The following NLRP8 variants were observed in gnomAD, a reference collection of about 807,000 sequenced individuals.
The protein encoded by NLRP8 is NACHT, LRR and PYD domains-containing protein 8.
A neutral mutation model predicts 88.7 loss-of-function variants in NLRP8; 86 were observed. That is an observed-to-expected ratio of 0.97 (90% CI 0.81 to 1.16). The LOEUF is 1.16. Ranked by LOEUF, NLRP8 falls within the 50% of genes most tolerant of loss-of-function variation. The pLI is 0.00. For missense variants in NLRP8, 1,342 were observed against 1,286.5 expected, an observed-to-expected ratio of 1.04 and a Z score of -0.66; for synonymous variants, 504 against 494.6, an observed-to-expected ratio of 1.02 and a Z score of -0.25.
Position 55,948,186 on chromosome 19 carries a change from G to A in NLRP8, c.284G>A (p.Arg95Gln), listed in dbSNP as rs199475833. 116 of 1,614,040 alleles carry A rather than the reference G, an allele frequency of 7.2e-5. No homozygotes were observed. Among genetic ancestry groups the A allele is most frequent in the Middle Eastern group, 1.6e-4 (1 of 6,084 alleles). The change falls in exon 1 of 10, where the codon CGA becomes CAA. Residue 95 changes from arginine (R) to glutamine (Q), a missense_variant. Transcript: ENST00000291971. ...CTCTTGATAGAGCGTTTCCCTGGAC[G>A]ACGCGCTTGGGATGTGACTTCGAAC...
rs770580096 is a variant in NLRP8 at position 55,955,737 on chromosome 19, T to G, written c.1679T>G (p.Phe560Cys). ...CTCTCTCACATGGGACTTTTCTTAT[T>G]CGGTTTTCTGAACGAGGCCTGCGCT... Residue 560 changes from phenylalanine (F) to cysteine (C), a missense_variant, in exon 3 of 10, where the codon TTC becomes TGC. Coordinates refer to ENST00000291971, the MANE Select transcript of NLRP8 (RefSeq NM_176811.2). The G allele has an allele frequency of 3.7e-6, 6 of 1,613,994 alleles. No individual in the cohort carries two copies. The highest frequency in any genetic ancestry group is 5.1e-6 in the Non-Finnish European group (6 of 1,179,976).
rs60245156 is a variant in NLRP8 at position 55,972,114 on chromosome 19, A to ATTT, written c.2534+1434_2534+1436dup. Among the ~76,000 whole-genome samples the ATTT allele has an allele frequency of 8.1e-4, 104 of 128,318 alleles. 1 individual carries two copies. The highest frequency in any genetic ancestry group is 1.1e-3 in the Non-Finnish European group (64 of 60,746). 84.2% of individuals were successfully genotyped at this position (128,318 alleles called of 152,430 possible). A position where few individuals can be genotyped will look rare whatever the true frequency, so the allele number is the denominator to read the frequency against. On this transcript the variant is annotated intron_variant, in intron 6 of 9. Transcript: ENST00000291971. ...CCATATATTTATTTTCTATGTTTTA[A>ATTT]TTTTTTTTTTTTTTTTTTGAGACAG...
chr19:55,984,332 G>A (rs1393234154), intron 9 of NLRP8, among the ~76,000 whole-genome samples: 1 of 152,122 alleles, frequency 6.6e-6, no homozygotes, highest in African/African-American at 2.4e-5. Flanking sequence ...CTTTTATACT[G>A]GTGTCAATAA....
intron 9 of NLRP8, 68 bp downstream of exon 9, chr19:55,979,632 T>C (rs1980492425): frequency 1.3e-6 from 2 of 1,565,010 alleles, no homozygotes; most frequent in Admixed American, 1.7e-5. Flanking sequence ...AAACGTGAGA[T>C]GCTGGGCTGG....
At chr19:55,983,777 C>A in intron 9 of NLRP8, among the ~76,000 whole-genome samples, 1 of 112,932 alleles carries the variant, frequency 8.9e-6, no homozygotes, top group African/African-American at 3.5e-5. Context: ...ACAAAGTTGG[C>A]AGGAACTATT....
At chr19:55,954,291 T>G (rs1052824891) in intron 2 of NLRP8, among the ~76,000 whole-genome samples, 2 of 152,164 alleles carry the variant, frequency 1.3e-5, no homozygotes, top group Non-Finnish European at 2.9e-5. Flanking sequence ...TAGAAAGCAG[T>G]CCTTGTTTTG....
At position 55,976,272 on chromosome 19, in the gene NLRP8, A is replaced by G; in HGVS notation, c.2845A>G (p.Lys949Glu). ...GGTGATCCTGCTGTGTGAGGCCCTG[A>G]AGAACCCTGACTGTACATTACAGAT... Residue 949 changes from lysine to glutamate, a missense_variant, in exon 8 of 10, where the codon AAG becomes GAG. By Grantham distance (56) the Lys-to-Glu change is moderately conservative. Coordinates refer to ENST00000291971, the MANE Select transcript of NLRP8 (RefSeq NM_176811.2). 1 of 1,612,546 alleles carries G rather than the reference A, an allele frequency of 6.2e-7. No homozygotes were observed. Among genetic ancestry groups the G allele is most frequent in the Middle Eastern group, 1.7e-4 (1 of 6,054 alleles).
At chr19:55,953,372 C>A (rs1979181099) in intron 2 of NLRP8, among the ~76,000 whole-genome samples, 1 of 152,134 alleles carries the variant, frequency 6.6e-6, no homozygotes, top group African/African-American at 2.4e-5. Flanking sequence ...AAATAAAGTA[C>A]ACAATAAACG....
At chr19:55,977,144 C>T (rs375252564) in intron 8 of NLRP8, among the ~76,000 whole-genome samples, 13 of 141,002 alleles carry the variant, frequency 9.2e-5, no homozygotes, top group African/African-American at 2.7e-4. Context: ...TACATATATA[C>T]GTATATACGT....
chr19:55,974,735 C>CA (rs550499918), intron 7 of NLRP8, among the ~76,000 whole-genome samples: 2,956 of 78,304 alleles, frequency 0.038, 41 homozygotes, highest in African/African-American at 0.057. Flanking sequence ...GACTCTGTCT[C>CA]AAAAAAAAAA....
At chr19:55,979,982 CT>C (rs1216919058) in intron 9 of NLRP8, among the ~76,000 whole-genome samples, 1 of 152,158 alleles carries the variant, frequency 6.6e-6, no homozygotes, top group African/African-American at 2.4e-5. Context: ...TACCATTCTG[CT>C]TTTGTTTCCT....
rs927043465 is a variant in NLRP8, at chr19:55,954,976, G to T, written c.918G>T (p.Trp306Cys). ...GACTGGAGGACCTGAGTGAAGACTG[G>T]AGGCAGAAATTGCCTGGGTCTGTCC... The change falls in exon 3 of 10, where the codon TGG becomes TGT. Residue 306 changes from tryptophan (W) to cysteine (C), a missense_variant. Trp to Cys is a radical substitution (Grantham distance 215). Coordinates refer to ENST00000291971, the MANE Select transcript of NLRP8 (RefSeq NM_176811.2). 2 of 1,614,112 alleles carry T rather than the reference G, an allele frequency of 1.2e-6. No homozygotes were observed. Among genetic ancestry groups the T allele is most frequent in the South Asian group, 2.2e-5 (2 of 91,076 alleles).
intron 6 of NLRP8, among the ~76,000 whole-genome samples, chr19:55,971,439 CAAAAAAAAAA>C (rs34787079): frequency 1.1e-5 from 1 of 87,034 alleles, no homozygotes; most frequent in Non-Finnish European, 2.3e-5. Flanking sequence ...AGACTCGTCT[CAAAAAAAAAA>C]AAAAAAAAAA....
chr19:55,988,625 C>T lies in NLRP8; in HGVS notation c.*712C>T, dbSNP rs1419157127. ...CATCTTAAAAATAAAATCACTGTCC[C>T]TAGACCATACTCGTTTCCTTACCCA... On this transcript the variant is annotated 3_prime_UTR_variant, in exon 10 of 10. Coordinates refer to ENST00000291971, the MANE Select transcript of NLRP8 (RefSeq NM_176811.2). 6.6e-6 allele frequency: 1 copy of T among 151,818 alleles called. No homozygotes were observed. Among genetic ancestry groups the T allele is most frequent in the Non-Finnish European group, 1.5e-5 (1 of 67,998 alleles). 9.4% of individuals were successfully genotyped at this position (151,818 alleles called of 1,614,324 possible).
intron 3 of NLRP8, among the ~76,000 whole-genome samples, chr19:55,961,508 A>C (rs2123199392): frequency 6.6e-6 from 1 of 152,340 alleles, no homozygotes. Flanking sequence ...TGTAATTAAA[A>C]AAGCAATTCC....
chr19:55,955,157 C>G lies in NLRP8; in HGVS notation c.1099C>G (p.Gln367Glu), dbSNP rs11880748. ...TACGATGGAAAAAATCAAGTATTTC[C>G]AGATGTATTTTGGACACACAGAGGA... is the stretch of plus-strand genomic sequence containing the variant. The change falls in exon 3 of 10, where the codon CAG becomes GAG. Residue 367 changes from glutamine (Q) to glutamate (E), a missense_variant. By Grantham distance (29) the Gln-to-Glu change is conservative (BLOSUM62 2). Coordinates refer to ENST00000291971, the MANE Select transcript of NLRP8 (RefSeq NM_176811.2). The G allele has an allele frequency of 1.6e-3, 2,610 of 1,613,952 alleles. 40 individuals carry two copies. In the African/African-American group the frequency reaches 0.032, roughly 20 times the overall value.
Position 55,954,534 on chromosome 19 carries a change from A to G in NLRP8, c.476A>G (p.Glu159Gly). ...CGGCGGTATAAATCGAATGTGATGGAAAAGTTTTTCCCCATATGGGACATT... is the reference window on the plus strand; with the variant it reads ...CGGCGGTATAAATCGAATGTGATGGGAAAGTTTTTCCCCATATGGGACATT... Residue 159 changes from glutamate to glycine, a missense_variant, in exon 3 of 10, where the codon GAA (glutamate) becomes GGA (glycine). Glu to Gly is a moderately conservative substitution (Grantham distance 98, BLOSUM62 -2). Transcript: ENST00000291971. The G allele has an allele frequency of 6.2e-7, 1 of 1,613,844 alleles. No homozygotes were observed. Among genetic ancestry groups the G allele is most frequent in the Non-Finnish European group, 8.5e-7 (1 of 1,179,920 alleles).
chr19:55,955,060 A>G lies in NLRP8; in HGVS notation c.1002A>G (p.Ile334Met). The G allele has an allele frequency of 6.2e-7, 1 of 1,614,114 alleles. No homozygotes were observed. Reference sequence around the variant, plus strand: ...CAGAGGCCACGCTACTGATCATGATAAGATTTACCTCTTGGCAGACATGCA... The same window carrying G: ...CAGAGGCCACGCTACTGATCATGATGAGATTTACCTCTTGGCAGACATGCA... The change falls in exon 3 of 10, where the codon ATA becomes ATG. Residue 334 changes from isoleucine (I) to methionine (M), a missense_variant. By Grantham distance (10) the Ile-to-Met change is conservative (BLOSUM62 1). Coordinates refer to ENST00000291971, the MANE Select transcript of NLRP8 (RefSeq NM_176811.2).
Position 55,947,849 on chromosome 19 carries a change from T to G in NLRP8, c.-54T>G. The G allele has an allele frequency of 6.5e-7, 1 of 1,546,160 alleles. No individual in the cohort carries two copies. The highest frequency in any genetic ancestry group is 1.9e-5 in the Admixed American group (1 of 52,506). On this transcript the variant is annotated 5_prime_UTR_variant, in exon 1 of 10. Transcript: ENST00000291971. Reference sequence around the variant, plus strand: ...CTCTGCAGGTCTCGTGTTTCTCTCTTCCAATCGGTTGTCTTTATCGTGGAC... The same window carrying G: ...CTCTGCAGGTCTCGTGTTTCTCTCTGCCAATCGGTTGTCTTTATCGTGGAC...
Sources: gnomAD v4.1 joint callset for allele counts (sites outside exome capture counted in the v4.1 genomes callset) on GRCh38, gnomAD v4.1.1 for gene constraint, MANE v1.5 for transcripts, NCBI Gene and HGNC (gene_info 2026-07-23, HGNC 2026-07-21) for gene names.